Variants in STAU2 observed in about 807,000 individuals in gnomAD.
The protein encoded by STAU2 is double-stranded RNA-binding protein Staufen homolog 2.
In STAU2, 20 loss-of-function variants were observed where a neutral mutation model predicts 65.9. The observed-to-expected ratio is 0.30, with a 90% CI of 0.21 to 0.44. The LOEUF (loss-of-function observed/expected upper bound fraction) is 0.44. STAU2 is among the 20% of genes least tolerant of loss of function. The pLI is 1.00. For missense variants in STAU2, 558 were observed against 683.9 expected, an observed-to-expected ratio of 0.82 and a Z score of 2.05; for synonymous variants, 232 against 233.9, an observed-to-expected ratio of 0.99 and a Z score of 0.07.
intron 3 of STAU2, among the ~76,000 whole-genome samples, chr8:73,718,605 A>G (rs1291511141): frequency 6.6e-6 from 1 of 152,224 alleles, no homozygotes; most frequent in African/African-American, 2.4e-5. Context: ...AAAGCACTGC[A>G]AGTATTGGTT....
rs571517992 is a variant in STAU2 at position 73,478,048 on chromosome 8, T to A, written c.1531-55346A>T. Reference sequence around the variant, plus strand: ...AATATATATATGTATATATATATATTTTTTTTTGTAGTAAGAAAATGCAGT... The same window carrying A: ...AATATATATATGTATATATATATATATTTTTTTGTAGTAAGAAAATGCAGT... On this transcript the variant is annotated intron_variant, in intron 13 of 14. Coordinates refer to ENST00000524300, the MANE Select transcript of STAU2 (RefSeq NM_001164380.2). 1.8e-3 allele frequency among the ~76,000 whole-genome samples: 242 copies of A among 134,522 alleles called. 2 individuals are homozygous for A. The highest frequency in any genetic ancestry group is 4.1e-3 in the Middle Eastern group (1 of 242). 88.3% of individuals were successfully genotyped at this position (134,522 alleles called of 152,430 possible).
chr8:73,717,651 T>C (rs920314117), intron 3 of STAU2, among the ~76,000 whole-genome samples: 8 of 145,872 alleles, frequency 5.5e-5, no homozygotes, highest in Non-Finnish European at 9.4e-5. Context: ...TTGTTGTTGT[T>C]GTTGTTGTTG....
intron 12 of STAU2, among the ~76,000 whole-genome samples, chr8:73,564,463 A>G (rs1212390115): frequency 6.6e-6 from 1 of 152,118 alleles, no homozygotes; most frequent in Non-Finnish European, 1.5e-5. Context: ...ATAGAGGGGA[A>G]TAACACACAC....
intron 5 of STAU2, among the ~76,000 whole-genome samples, chr8:73,678,185 G>A (rs766199785): frequency 3.3e-5 from 5 of 152,022 alleles, no homozygotes; most frequent in Non-Finnish European, 4.4e-5. Flanking sequence ...GTCAAACTGA[G>A]CTTCCTAAAA....
At chr8:73,746,246 C>CCCGCCGCTCCGCCT (rs1203344572) in intron 1 of STAU2, among the ~76,000 whole-genome samples, 4 of 152,064 alleles carry the variant, frequency 2.6e-5, no homozygotes, top group East Asian at 3.9e-4. Context: ...GCGCCCCGGC[C>CCCGCCGCTCCGCCT]CCGCCGCTCC....
chr8:73,657,300 C>T (rs2130289090), intron 6 of STAU2, among the ~76,000 whole-genome samples: 1 of 152,252 alleles, frequency 6.6e-6, no homozygotes, highest in Middle Eastern at 3.4e-3. Flanking sequence ...GGAGATATTA[C>T]AGTCTCAAAT....
At chr8:73,587,766 T>C (rs1810480253) in intron 11 of STAU2, among the ~76,000 whole-genome samples, 1 of 152,130 alleles carries the variant, frequency 6.6e-6, no homozygotes, top group Non-Finnish European at 1.5e-5. Flanking sequence ...ATAAAATAAA[T>C]AGTTACAATA....
intron 1 of STAU2, among the ~76,000 whole-genome samples, chr8:73,740,952 CCAAGATCATGCCACTGCA>C (rs1279308363): frequency 6.7e-6 from 1 of 148,568 alleles, no homozygotes; most frequent in Admixed American, 6.8e-5. Flanking sequence ...TTGCAGTGAG[CCAAGATCATGCCACTGCA>C]CTCCAGTCCA....
intron 13 of STAU2, among the ~76,000 whole-genome samples, chr8:73,453,778 C>A (rs1818922623): frequency 6.7e-6 from 1 of 150,020 alleles, no homozygotes; most frequent in South Asian, 2.1e-4. Flanking sequence ...CAAATAACAT[C>A]TTTTTTTTAA....
intron 4 of STAU2, among the ~76,000 whole-genome samples, chr8:73,691,370 G>C (rs1196216343): frequency 6.6e-6 from 1 of 151,932 alleles, no homozygotes; most frequent in East Asian, 1.9e-4. Flanking sequence ...AATTTATATT[G>C]TCACCTCCTT....
chr8:73,479,472 G>GCACACACACAAACACACA (rs6150656), intron 13 of STAU2, among the ~76,000 whole-genome samples: 4 of 139,842 alleles, frequency 2.9e-5, no homozygotes, highest in African/African-American at 8.1e-5. Context: ...TCCCTATTCT[G>GCACACACACAAACACACA]CACACACACA....
At chr8:73,688,598 T>A in intron 5 of STAU2, 56 bp downstream of exon 5, 2 of 1,565,734 alleles carry the variant, frequency 1.3e-6, no homozygotes, top group Non-Finnish European at 1.7e-6. Context: ...AAATGAAACA[T>A]ACAACAAGCA....
intron 6 of STAU2, among the ~76,000 whole-genome samples, chr8:73,624,887 C>CTACA: frequency 6.6e-6 from 1 of 152,322 alleles, no homozygotes; most frequent in African/African-American, 2.4e-5. Context: ...GATGGGGACA[C>CTACA]TGTAAGTCTA....
At chr8:73,653,137 TCTGA>T (rs1251815890) in intron 6 of STAU2, 2 of 152,128 alleles carry the variant, frequency 1.3e-5, no homozygotes, top group African/African-American at 4.8e-5. Flanking sequence ...AAGATGACAA[TCTGA>T]CTGACAACAA....
intron 13 of STAU2, among the ~76,000 whole-genome samples, chr8:73,479,231 C>G (rs1286432838): frequency 6.6e-6 from 1 of 152,048 alleles, no homozygotes; most frequent in Non-Finnish European, 1.5e-5. Context: ...GTTAGTAATT[C>G]CTTAATACCA....
rs866517145 is a variant in STAU2, at chr8:73,739,879, G to T, written c.-196-11C>A. The T allele has an allele frequency of 3.3e-6, 3 of 915,978 alleles. No individual in the cohort carries two copies. The highest frequency in any genetic ancestry group is 3.3e-5 in the African/African-American group (2 of 60,722). The allele number at this position is 915,978 out of a possible 1,614,324, so 56.7% of individuals were successfully genotyped here. On this transcript the variant is annotated splice_polypyrimidine_tract_variant and intron_variant, in intron 1 of 14. Coordinates refer to ENST00000524300, the MANE Select transcript of STAU2 (RefSeq NM_001164380.2). ...TGTGGTAGGCAGCCTCTAACAAATAGAATATAGCAGAAATAATGAGATACC... is the reference window on the plus strand; with the variant it reads ...TGTGGTAGGCAGCCTCTAACAAATATAATATAGCAGAAATAATGAGATACC...
At chr8:73,464,844 G>C (rs991106008) in intron 13 of STAU2, among the ~76,000 whole-genome samples, 1 of 152,096 alleles carries the variant, frequency 6.6e-6, no homozygotes, top group Non-Finnish European at 1.5e-5. Context: ...AAATAAAAAC[G>C]ATCTCTTTCA....
chr8:73,725,131 T>G (rs1805534933), intron 3 of STAU2, among the ~76,000 whole-genome samples: 3 of 152,244 alleles, frequency 2.0e-5, no homozygotes, highest in Admixed American at 2.0e-4. Context: ...GCCATTTAAA[T>G]TGAGCATTTA....
chr8:73,458,632 A>C (rs1819194073), intron 13 of STAU2: 1 of 152,244 alleles, frequency 6.6e-6, no homozygotes, highest in Admixed American at 6.5e-5. Context: ...AACTGCAAAA[A>C]ATGTTGGTTT....
Sources: allele counts gnomAD v4.1 joint callset (sites outside exome capture counted in the v4.1 genomes callset), GRCh38; gene constraint gnomAD v4.1.1; transcripts MANE v1.5; gene names NCBI Gene and HGNC (gene_info 2026-07-23, HGNC 2026-07-21).